The following COL14A1 variants were observed in gnomAD, a reference collection of about 807,000 sequenced individuals.
COL14A1 encodes the protein collagen type XIV alpha 1 chain, also known as collagen alpha-1(XIV) chain.
A neutral mutation model predicts 230.3 loss-of-function variants in COL14A1; 136 were observed. That is an observed-to-expected ratio of 0.59 (90% CI 0.51 to 0.68). The LOEUF (loss-of-function observed/expected upper bound fraction) is 0.68. COL14A1 is among the 30% of genes least tolerant of loss of function. The probability of loss-of-function intolerance (pLI) is 0.00; values close to 1 mark genes in which losing one functional copy is unlikely to be tolerated. For missense variants in COL14A1, 1,976 were observed against 2,215.8 expected, an observed-to-expected ratio of 0.89 and a Z score of 2.17; for synonymous variants, 792 against 784.1, an observed-to-expected ratio of 1.01 and a Z score of -0.17.
Position 120,247,714 on chromosome 8 carries a change from A to T in COL14A1, c.2581A>T (p.Ile861Phe). 1 of 1,614,110 alleles carries T rather than the reference A, an allele frequency of 6.2e-7. No homozygotes were observed. The highest frequency in any genetic ancestry group is 1.1e-5 in the South Asian group (1 of 91,076). The part of the protein sequence containing the change: ...PPSSPVKGYR[I>F]VYKPVSVPGP... Reference sequence around the variant, plus strand: ...ATCTTCCCCGGTGAAAGGCTATAGAATTGTCTACAAACCTGTCAGTGGTAA... The same window carrying T: ...ATCTTCCCCGGTGAAAGGCTATAGATTTGTCTACAAACCTGTCAGTGGTAA... The change falls in exon 21 of 48, where the codon ATT becomes TTT. Residue 861 changes from isoleucine (I) to phenylalanine (F), a missense_variant. Transcript: ENST00000297848.
chr8:120,339,301 T>C (rs181501541), intron 42 of COL14A1, among the ~76,000 whole-genome samples: 4 of 152,274 alleles, frequency 2.6e-5, no homozygotes, highest in East Asian at 1.9e-4. Flanking sequence ...ATCTTCTGTC[T>C]TTTTTACAGT....
chr8:120,349,262 T>C (rs1822655855), intron 45 of COL14A1, among the ~76,000 whole-genome samples: 1 of 148,886 alleles, frequency 6.7e-6, no homozygotes, highest in Non-Finnish European at 1.5e-5. Flanking sequence ...AGACCAAAAG[T>C]AGATAAAACC....
intron 33 of COL14A1, 73 bp downstream of exon 33, chr8:120,286,043 A>G (rs1011388272): frequency 1.5e-5 from 13 of 874,162 alleles, no homozygotes; most frequent in Middle Eastern, 3.3e-4. Flanking sequence ...AAACAATTCC[A>G]TAGGGCTTTG....
In COL14A1 at chr8:120,289,737, T is replaced by C. The variant is rs1820313619; in HGVS notation, c.4207T>C (p.Ser1403Pro). The C allele has an allele frequency of 1.9e-6, 3 of 1,613,674 alleles. No individual in the cohort carries two copies. Among genetic ancestry groups the C allele is most frequent in the Admixed American group, 3.3e-5 (2 of 59,914 alleles). ...AGAAGTGCTAGGGAAAATGGTTCGA[T>C]CAAGAGGACCAGGTGGAAACTCTGC... is the stretch of plus-strand genomic sequence containing the variant. ...GVEVLGKMVR[S>P]RGPGGNSAPF... The change falls in exon 34 of 48, where the codon TCA becomes CCA. Residue 1403 changes from serine to proline, a missense_variant. By Grantham distance (74) the Ser-to-Pro change is moderately conservative (BLOSUM62 -1). This residue lies in a region of COL14A1 where 1,791 missense variants were observed against 2,019.5 expected (regional missense o/e 0.89). Coordinates refer to ENST00000297848, the MANE Select transcript of COL14A1 (RefSeq NM_021110.4).
At chr8:120,233,067 T>C (rs1818327679) in intron 19 of COL14A1, among the ~76,000 whole-genome samples, 2 of 152,252 alleles carry the variant, frequency 1.3e-5, no homozygotes, top group Admixed American at 1.3e-4. Flanking sequence ...ATGTATTCTT[T>C]TGAGAAAGTG....
chr8:120,206,697 A>G (rs1279727491), intron 9 of COL14A1, among the ~76,000 whole-genome samples: 1 of 152,210 alleles, frequency 6.6e-6, no homozygotes, highest in Non-Finnish European at 1.5e-5. Context: ...AATTTAAGAA[A>G]GTTCTCTGGA....
At chr8:120,257,339 GAAC>G (rs1360483301) in intron 23 of COL14A1, among the ~76,000 whole-genome samples, 2 of 152,152 alleles carry the variant, frequency 1.3e-5, no homozygotes, top group Non-Finnish European at 2.9e-5. Context: ...TTAGATTTGT[GAAC>G]AAAATTAGCC....
intron 31 of COL14A1, 48 bp downstream of exon 31, chr8:120,281,107 C>G: frequency 6.5e-7 from 1 of 1,537,864 alleles, no homozygotes; most frequent in South Asian, 1.2e-5. Context: ...TTTATTATAT[C>G]TCACTGTGAA....
chr8:120,174,262 AT>A (rs5894516), intron 5 of COL14A1, among the ~76,000 whole-genome samples: 49,531 of 146,152 alleles, frequency 0.34, 8,723 homozygotes, highest in Admixed American at 0.47. Context: ...TTGGATTGGC[AT>A]TTTTTTTTTT....
intron 5 of COL14A1, among the ~76,000 whole-genome samples, chr8:120,193,398 C>A (rs1374473717): frequency 6.6e-6 from 1 of 152,144 alleles, no homozygotes; most frequent in African/African-American, 2.4e-5. Flanking sequence ...TCTGATCGTT[C>A]CTCTGGAAGT....
At position 120,314,020 on chromosome 8, in the gene COL14A1, G is replaced by A; in HGVS notation, c.4544G>A (p.Gly1515Glu). 1 of 1,607,694 alleles carries A rather than the reference G, an allele frequency of 6.2e-7. No individual in the cohort carries two copies. Among genetic ancestry groups the A allele is most frequent in the Non-Finnish European group, 8.5e-7 (1 of 1,176,280 alleles). The change falls in exon 38 of 48, where the codon GGA (glycine) becomes GAA (glutamate). Residue 1515 changes from glycine (G) to glutamate (E), a missense_variant. Physicochemically the swap from Gly to Glu is moderately conservative, Grantham distance 98 (BLOSUM62 -2). Coordinates refer to ENST00000297848, the MANE Select transcript of COL14A1 (RefSeq NM_021110.4). ...GGACCAAGTGGTCTGTCCATTCAAGGAATGCCCGTGAGTTGTGTTCAAACA... is the reference window on the plus strand; with the variant it reads ...GGACCAAGTGGTCTGTCCATTCAAGAAATGCCCGTGAGTTGTGTTCAAACA... ...PQGPSGLSIQ[G>E]MPGMPGEKGE...
chr8:120,365,506 T>G (rs1823380238), intron 45 of COL14A1, among the ~76,000 whole-genome samples: 1 of 152,184 alleles, frequency 6.6e-6, no homozygotes, highest in Admixed American at 6.5e-5. Flanking sequence ...CACTGACAAG[T>G]GAAGTAGTGC....
chr8:120,266,521 G>C lies in COL14A1; in HGVS notation c.3017-306G>C, dbSNP rs114951976. ...GCAACAGGAGACGAACTTTCAAATG[G>C]GTTGGCAGGATTCCTGCCTTAAATC... On this transcript the variant is annotated intron_variant, in intron 24 of 47. Transcript: ENST00000297848. Among the ~76,000 whole-genome samples the C allele has an allele frequency of 5.6e-3, 856 of 152,120 alleles. 10 individuals are homozygous for C. Among genetic ancestry groups the C allele is most frequent in the African/African-American group, 0.019 (779 of 41,518 alleles).
At chr8:120,255,512 G>T (rs974136016) in intron 23 of COL14A1, among the ~76,000 whole-genome samples, 156 bp downstream of exon 23, 5 of 152,190 alleles carry the variant, frequency 3.3e-5, no homozygotes, top group Non-Finnish European at 5.9e-5. Context: ...GGGTCTGACT[G>T]GTTGGGTAAG....
At chr8:120,322,222 G>T (rs1008362910) in intron 40 of COL14A1, among the ~76,000 whole-genome samples, 15 of 151,862 alleles carry the variant, frequency 9.9e-5, no homozygotes, top group African/African-American at 2.9e-4. Context: ...GGGGCCTGTT[G>T]GGGGGTGGGG....
At chr8:120,126,871 C>T (rs1437399070) in intron 1 of COL14A1, among the ~76,000 whole-genome samples, 2 of 152,200 alleles carry the variant, frequency 1.3e-5, no homozygotes, top group African/African-American at 4.8e-5. Context: ...CCTTTGAACC[C>T]AAGTGCTTCG....
At chr8:120,346,569 T>C (rs752848467) in intron 45 of COL14A1, among the ~76,000 whole-genome samples, 2 of 152,260 alleles carry the variant, frequency 1.3e-5, no homozygotes, top group Non-Finnish European at 2.9e-5. Context: ...TTTTGACTCA[T>C]GCTAACAGGC....
At chr8:120,332,498 A>G (rs189940800) in intron 41 of COL14A1, among the ~76,000 whole-genome samples, 166 bp from the exon 42 acceptor site, 93 of 152,336 alleles carry the variant, frequency 6.1e-4, no homozygotes, top group Non-Finnish European at 1.0e-3. Flanking sequence ...GACTAAAAAA[A>G]AGTCTTCCCT....
chr8:120,302,164 A>G (rs1820732682), intron 36 of COL14A1, among the ~76,000 whole-genome samples: 3 of 151,762 alleles, frequency 2.0e-5, no homozygotes, highest in Admixed American at 2.0e-4. Context: ...GTTTGCAAAA[A>G]TTTTCTTCCA....
Sources: allele counts gnomAD v4.1 joint callset (sites outside exome capture counted in the v4.1 genomes callset), GRCh38; gene constraint gnomAD v4.1.1; regional missense constraint gnomAD v4.1.1; transcripts MANE v1.5; gene names NCBI Gene and HGNC (gene_info 2026-07-23, HGNC 2026-07-21).